The following CTNND2 variants were observed in gnomAD, a reference collection of about 807,000 sequenced individuals.
CTNND2 encodes catenin delta-2.
CTNND2 carries 22 observed loss-of-function variants against 144.4 expected under a neutral mutation model. The ratio of observed to expected loss-of-function variants is 0.15; its 90% confidence interval spans 0.11 to 0.22. The LOEUF (loss-of-function observed/expected upper bound fraction) is 0.22, where lower values mean the gene tolerates loss of function less well. CTNND2 is among the 10% of genes least tolerant of loss of function. The pLI, the probability that CTNND2 is intolerant of heterozygous loss-of-function variation, is 1.00. For synonymous variants in CTNND2, 751 were observed against 695.6 expected (o/e 1.08, Z -1.25); for missense variants, 1,353 against 1,618.8 (o/e 0.84, Z 2.82).
chr5:11,112,525 G>C (rs1753103270), intron 13 of CTNND2, among the ~76,000 whole-genome samples: 1 of 152,178 alleles, frequency 6.6e-6, no homozygotes, highest in African/African-American at 2.4e-5. Context: ...CAGACTGCTG[G>C]TCTCTAGAGC....
chr5:11,216,457 A>T (rs903844997), intron 10 of CTNND2, among the ~76,000 whole-genome samples: 23 of 152,228 alleles, frequency 1.5e-4, no homozygotes, highest in African/African-American at 5.3e-4. Flanking sequence ...TGTGAGACAG[A>T]CTCAACCAGC....
rs560303691 is a variant in CTNND2 at position 11,779,807 on chromosome 5, T to C, written c.38-47535A>G. 1.1e-4 allele frequency among the ~76,000 whole-genome samples: 16 copies of C among 152,312 alleles called. 1 individual carries two copies. Among genetic ancestry groups the C allele is most frequent in the African/African-American group, 3.6e-4 (15 of 41,582 alleles). On this transcript the variant is annotated intron_variant, in intron 1 of 21. Transcript: ENST00000304623. ...GTTTAATGTATTAAATTTCCAGCAA[T>C]TTTAGTCACTGAAACAGTATCATTT...
chr5:11,454,669 T>C (rs1322651020), intron 3 of CTNND2, among the ~76,000 whole-genome samples: 3 of 151,726 alleles, frequency 2.0e-5, no homozygotes, highest in Non-Finnish European at 4.4e-5. Context: ...CGATCTCAGC[T>C]CACTGCAATC....
intron 2 of CTNND2, among the ~76,000 whole-genome samples, chr5:11,602,711 T>C (rs1031733392): frequency 4.5e-5 from 6 of 133,658 alleles, no homozygotes; most frequent in Admixed American, 4.3e-4. Context: ...TTTCATATAT[T>C]ATATTATATA....
chr5:11,269,297 T>A (rs535738367), intron 9 of CTNND2, among the ~76,000 whole-genome samples: 16 of 152,314 alleles, frequency 1.1e-4, no homozygotes, highest in African/African-American at 3.8e-4. Flanking sequence ...TCCTTAGCCT[T>A]CAAAAATGTA....
At chr5:11,868,593 G>A (rs547641636) in intron 1 of CTNND2, among the ~76,000 whole-genome samples, 8 of 152,214 alleles carry the variant, frequency 5.3e-5, no homozygotes, top group Middle Eastern at 6.8e-3. Context: ...CAAAATGCAC[G>A]TTGAAACTTA....
intron 1 of CTNND2, among the ~76,000 whole-genome samples, chr5:11,840,739 G>T (rs1794424037): frequency 6.6e-6 from 1 of 152,010 alleles, no homozygotes; most frequent in African/African-American, 2.4e-5. Flanking sequence ...TGTAATGTAG[G>T]CACAGTGGGA....
In CTNND2 at chr5:11,840,418, TTTC is replaced by T. The variant is rs374938377; in HGVS notation, c.37+63396_37+63398del. Among the ~76,000 whole-genome samples the T allele has an allele frequency of 2.5e-3, 375 of 152,362 alleles. 1 individual carries two copies. Among genetic ancestry groups the T allele is most frequent in the African/African-American group, 8.5e-3 (352 of 41,590 alleles). The stretch of plus-strand genomic sequence containing the variant: ...TCTCTCAGGTTAGTGGCTGATTTCA[TTTC>T]TTATCTATGAACTGCACCCAGAGAG... On this transcript the variant is annotated intron_variant, in intron 1 of 21. Transcript: ENST00000304623.
chr5:10,994,460 A>G (rs1336254656), intron 18 of CTNND2, among the ~76,000 whole-genome samples: 2 of 29,288 alleles, frequency 6.8e-5, no homozygotes, highest in African/African-American at 1.5e-4. Context: ...GGGGGCCGGG[A>G]AGGAGGAAGG....
intron 2 of CTNND2, among the ~76,000 whole-genome samples, chr5:11,584,212 C>T (rs954229093): frequency 8.6e-5 from 13 of 152,034 alleles, no homozygotes; most frequent in East Asian, 7.7e-4. Flanking sequence ...GTGACTAATG[C>T]GAAAGCTATG....
chr5:11,058,705 A>T (rs1481481702), intron 16 of CTNND2, among the ~76,000 whole-genome samples: 1 of 152,218 alleles, frequency 6.6e-6, no homozygotes, highest in South Asian at 2.1e-4. Context: ...GACCTCTTGC[A>T]TCGTGAAGCT....
chr5:11,247,382 G>A (rs1743111697), intron 9 of CTNND2, among the ~76,000 whole-genome samples: 1 of 152,158 alleles, frequency 6.6e-6, no homozygotes, highest in Admixed American at 6.5e-5. Context: ...CCTACTCCAC[G>A]CCTCCCACCC....
intron 1 of CTNND2, among the ~76,000 whole-genome samples, chr5:11,768,267 AGTTTTGTTTTGTTTT>A (rs60666239): frequency 3.6e-4 from 54 of 148,840 alleles, no homozygotes; most frequent in South Asian, 3.3e-3. Context: ...CCCACTCAGG[AGTTTTGTTTTGTTTT>A]GTTTTGTTTT....
intron 1 of CTNND2, among the ~76,000 whole-genome samples, chr5:11,881,849 C>T (rs57481042): frequency 0.022 from 3,385 of 151,998 alleles, 66 homozygotes; most frequent in African/African-American, 0.041. Context: ...ACATTTCCAC[C>T]GACAGTGTAA....
At chr5:11,625,066 A>G (rs1781079669) in intron 2 of CTNND2, among the ~76,000 whole-genome samples, 1 of 152,134 alleles carries the variant, frequency 6.6e-6, no homozygotes, top group Non-Finnish European at 1.5e-5. Flanking sequence ...AGTAGCATAC[A>G]AAGATATGAC....
At chr5:11,852,503 T>C (rs1273577181) in intron 1 of CTNND2, among the ~76,000 whole-genome samples, 2 of 152,080 alleles carry the variant, frequency 1.3e-5, no homozygotes, top group African/African-American at 2.4e-5. Flanking sequence ...GGCACTTGTA[T>C]GTGCACAGCA....
At chr5:11,759,356 A>G (rs1402639752) in intron 1 of CTNND2, among the ~76,000 whole-genome samples, 1 of 152,078 alleles carries the variant, frequency 6.6e-6, no homozygotes, top group Non-Finnish European at 1.5e-5. Context: ...ATACTAGCAA[A>G]TGCTTAAAAT....
intron 7 of CTNND2, among the ~76,000 whole-genome samples, chr5:11,380,138 C>T (rs1293965696): frequency 3.3e-5 from 5 of 152,186 alleles, no homozygotes; most frequent in African/African-American, 1.2e-4. Flanking sequence ...TAGTAACTAG[C>T]TTCTGTCTGA....
chr5:11,459,491 T>C (rs1766015955), intron 3 of CTNND2, among the ~76,000 whole-genome samples: 1 of 152,232 alleles, frequency 6.6e-6, no homozygotes. Context: ...TTGCTTGTTC[T>C]GCCCCTTTTT....
Sources: gnomAD v4.1 joint callset for allele counts (sites outside exome capture counted in the v4.1 genomes callset) on GRCh38, gnomAD v4.1.1 for gene constraint, MANE v1.5 for transcripts, NCBI Gene and HGNC (gene_info 2026-07-23, HGNC 2026-07-21) for gene names.